Variants in PPP6R3 observed in about 807,000 individuals in gnomAD.
The protein encoded by PPP6R3 is protein phosphatase 6 regulatory subunit 3, also known as serine/threonine-protein phosphatase 6 regulatory subunit 3.
In PPP6R3, 38 loss-of-function variants were observed where a neutral mutation model predicts 110.7. That is an observed-to-expected ratio of 0.34 (90% CI 0.26 to 0.45). PPP6R3 has a LOEUF of 0.45. Ranked by LOEUF, PPP6R3 falls within the 20% of genes least tolerant of loss-of-function variation. PPP6R3 has a pLI of 1.00. For synonymous variants in PPP6R3, 369 were observed against 373.5 expected, an observed-to-expected ratio of 0.99 and a Z score of 0.14; for missense variants, 870 against 1,062.4, an observed-to-expected ratio of 0.82 and a Z score of 2.52.
intron 1 of PPP6R3, among the ~76,000 whole-genome samples, chr11:68,470,413 C>T (rs1339579573): frequency 6.6e-6 from 1 of 151,342 alleles, no homozygotes; most frequent in African/African-American, 2.4e-5. Flanking sequence ...CAGCGGAGGC[C>T]AGTGTGGCTG....
In PPP6R3 at chr11:68,519,614, GA is replaced by G; in HGVS notation, c.-40del. On this transcript the variant is annotated 5_prime_UTR_variant, in exon 2 of 24. An upstream open reading frame in the 5' UTR loses its in-frame stop. Coordinates refer to ENST00000393800, the MANE Select transcript of PPP6R3 (RefSeq NM_001164161.2). The stretch of plus-strand genomic sequence containing the variant: ...GTAATGGGCAAGGAGCCACAAAGAA[GA>G]AAACATTTCTTTTAATTTTTAAACT... The G allele has an allele frequency of 5.0e-6, 2 of 398,552 alleles. No homozygotes were observed. The highest frequency in any genetic ancestry group is 8.8e-6 in the Non-Finnish European group (2 of 226,042). The allele number at this position is 398,552 out of a possible 1,614,324, so 24.7% of individuals were successfully genotyped here. A position where few individuals can be genotyped will look rare whatever the true frequency, so the allele number is the denominator to read the frequency against.
At chr11:68,499,407 A>G (rs186277401) in intron 1 of PPP6R3, among the ~76,000 whole-genome samples, 2 of 152,214 alleles carry the variant, frequency 1.3e-5, no homozygotes, top group East Asian at 3.9e-4. Context: ...TTTGCCAGGG[A>G]TGTCTGAGTT....
intron 14 of PPP6R3, among the ~76,000 whole-genome samples, chr11:68,578,364 C>T (rs1031469869): frequency 2.0e-5 from 3 of 152,210 alleles, no homozygotes; most frequent in Non-Finnish European, 2.9e-5. Context: ...GTGGTAGTTA[C>T]ACTTGCCTTC....
intron 1 of PPP6R3, among the ~76,000 whole-genome samples, chr11:68,507,831 A>G (rs980687166): frequency 1.3e-5 from 2 of 152,204 alleles, no homozygotes; most frequent in African/African-American, 4.8e-5. Context: ...TCTCAGGAGA[A>G]AATGCTTTCT....
At chr11:68,526,426 T>C (rs772054544) in intron 2 of PPP6R3, among the ~76,000 whole-genome samples, 4 of 152,096 alleles carry the variant, frequency 2.6e-5, no homozygotes, top group Non-Finnish European at 4.4e-5. Context: ...CTTTCTGTGG[T>C]GGAGACAAGA....
chr11:68,605,394 A>G (rs535852925), intron 22 of PPP6R3, among the ~76,000 whole-genome samples: 14 of 152,214 alleles, frequency 9.2e-5, no homozygotes, highest in African/African-American at 2.9e-4. Context: ...GACCCCCTCC[A>G]CTACATGAAC....
At chr11:68,570,442 A>C (rs2099499420) in intron 11 of PPP6R3, among the ~76,000 whole-genome samples, 1 of 152,202 alleles carries the variant, frequency 6.6e-6, no homozygotes, top group Non-Finnish European at 1.5e-5. Context: ...TCGCAAACCT[A>C]AAATGTAGAA....
intron 3 of PPP6R3, among the ~76,000 whole-genome samples, chr11:68,543,804 A>G (rs979076522): frequency 6.6e-6 from 1 of 152,188 alleles, no homozygotes; most frequent in Admixed American, 6.5e-5. Flanking sequence ...GATAGGCTCA[A>G]CGTCTCTGTT....
chr11:68,520,977 G>A (rs576227893), intron 2 of PPP6R3, among the ~76,000 whole-genome samples: 2 of 152,168 alleles, frequency 1.3e-5, no homozygotes, highest in South Asian at 4.2e-4. Context: ...TCACTATGTC[G>A]GCCAGGCTGG....
chr11:68,478,739 C>T (rs984817353), intron 1 of PPP6R3, among the ~76,000 whole-genome samples: 4 of 133,034 alleles, frequency 3.0e-5, no homozygotes, highest in Non-Finnish European at 6.2e-5. Flanking sequence ...CTTACTGCAA[C>T]CTCCGCCTCC....
chr11:68,596,171 C>G lies in PPP6R3; in HGVS notation c.1991C>G (p.Pro664Arg). Residue 664 changes from proline (P) to arginine (R), a missense_variant, in exon 19 of 24, where the codon CCC becomes CGC. Physicochemically the swap from Pro to Arg is moderately radical, Grantham distance 103 (BLOSUM62 -2). Coordinates refer to ENST00000393800, the MANE Select transcript of PPP6R3 (RefSeq NM_001164161.2). ...GGAGCAAAGCAAGACTTGTTTGAAC[C>G]CAGCAGTGCCAACACGGAGGATAAA... Reference protein sequence around the residue: ...EDGAKQDLFEPSSANTEDKME... With the variant: ...EDGAKQDLFERSSANTEDKME... 4 of 1,614,130 alleles carry G rather than the reference C, an allele frequency of 2.5e-6. No homozygotes were observed. Among genetic ancestry groups the G allele is most frequent in the Non-Finnish European group, 3.4e-6 (4 of 1,180,004 alleles).
intron 14 of PPP6R3, 28 bp from the exon 15 acceptor site, chr11:68,583,011 TTAAA>T: frequency 1.4e-6 from 2 of 1,399,484 alleles, no homozygotes; most frequent in Non-Finnish European, 1.9e-6. Flanking sequence ...CTTTTCTATG[TTAAA>T]TAGTCTTTTA....
In PPP6R3 at chr11:68,615,107, ATTTTG is replaced by A. The variant is rs1945017031; in HGVS notation, c.*1997_*2001del. On this transcript the variant is annotated 3_prime_UTR_variant, in exon 24 of 24. Coordinates refer to ENST00000393800, the MANE Select transcript of PPP6R3 (RefSeq NM_001164161.2). ...CTCTGGGACTTTTCTTTGGGGCATC[ATTTTG>A]TTTTGTCTTTCGTAGCAGGGAAAGG... The A allele has an allele frequency of 4.3e-6, 2 of 462,038 alleles. No homozygotes were observed. Among genetic ancestry groups the A allele is most frequent in the African/African-American group, 2.0e-5 (1 of 50,198 alleles). The allele number at this position is 462,038 out of a possible 1,614,324, so 28.6% of individuals were successfully genotyped here.
chr11:68,587,646 A>G (rs972541411), intron 15 of PPP6R3: 2 of 475,244 alleles, frequency 4.2e-6, no homozygotes, highest in Admixed American at 6.7e-5. Flanking sequence ...GCTTAATCCA[A>G]ACCTCTCTCT....
At chr11:68,477,735 A>ATATATATAT (rs1458541567) in intron 1 of PPP6R3, among the ~76,000 whole-genome samples, 7 of 64,150 alleles carry the variant, frequency 1.1e-4, no homozygotes, top group African/African-American at 4.1e-4. Flanking sequence ...TCTTAAAAAA[A>ATATATATAT]AAAAAAATAT....
chr11:68,599,572 A>G (rs2099624372), intron 19 of PPP6R3, among the ~76,000 whole-genome samples: 1 of 152,250 alleles, frequency 6.6e-6, no homozygotes, highest in Non-Finnish European at 1.5e-5. Flanking sequence ...GGGAAGCATT[A>G]AGGTTATTTC....
chr11:68,544,835 T>C lies in PPP6R3; in HGVS notation c.228-3T>C. On this transcript the variant is annotated splice_polypyrimidine_tract_variant and splice_region_variant and intron_variant, in intron 3 of 23. Transcript: ENST00000393800. ...TGATGATGTAAATATCCTGTTCTTC[T>C]AGGTATCCAAATATATCTTGTGAGT... 6.3e-7 allele frequency: 1 copy of C among 1,575,638 alleles called. No homozygotes were observed. Among genetic ancestry groups the C allele is most frequent in the Non-Finnish European group, 8.7e-7 (1 of 1,148,148 alleles).
intron 1 of PPP6R3, among the ~76,000 whole-genome samples, chr11:68,472,213 G>A (rs1369853733): frequency 6.6e-6 from 1 of 152,156 alleles, no homozygotes. Context: ...ATGTTGGTGG[G>A]ACGTGGTGGT....
At chr11:68,472,385 G>A (rs776041833) in intron 1 of PPP6R3, among the ~76,000 whole-genome samples, 1 of 152,172 alleles carries the variant, frequency 6.6e-6, no homozygotes, top group Non-Finnish European at 1.5e-5. Context: ...TAGTAAGAAG[G>A]AACGCTGCCT....
Sources: allele counts gnomAD v4.1 joint callset (sites outside exome capture counted in the v4.1 genomes callset), GRCh38; gene constraint gnomAD v4.1.1; transcripts MANE v1.5; gene names NCBI Gene and HGNC (gene_info 2026-07-23, HGNC 2026-07-21).